PCDH11X: variants seen among roughly 807,000 people sequenced by gnomAD.
The protein encoded by PCDH11X is protocadherin 11 X-linked.
PCDH11X carries 18 observed loss-of-function variants against 53.3 expected under a neutral mutation model. The observed-to-expected ratio is 0.34, with a 90% CI of 0.23 to 0.50. The LOEUF is 0.50. Ranked by LOEUF, PCDH11X falls within the 20% of genes least tolerant of loss-of-function variation. The pLI is 0.98. For synonymous variants in PCDH11X, 279 were observed against 393.3 expected, an observed-to-expected ratio of 0.71 and a Z score of 3.44; for missense variants, 570 against 1,032.4, an observed-to-expected ratio of 0.55 and a Z score of 6.14.
intron 10 of PCDH11X, among the ~76,000 whole-genome samples, chrX:92,564,019 T>C (rs1187836086): frequency 3.6e-5 from 4 of 109,874 alleles, no homozygotes; most frequent in Non-Finnish European, 7.6e-5. Context: ...TACTCCCATC[T>C]ACAATAGCCA....
chrX:92,231,794 C>A (rs2067079273), intron 7 of PCDH11X, among the ~76,000 whole-genome samples: 1 of 111,909 alleles, frequency 8.9e-6, no homozygotes, highest in Admixed American at 9.5e-5. Flanking sequence ...ATTTTAAGTT[C>A]TTATGGACAT....
intron 10 of PCDH11X, among the ~76,000 whole-genome samples, chrX:92,594,050 AG>A (rs914274960): frequency 2.5e-4 from 23 of 90,609 alleles, no homozygotes; most frequent in Admixed American, 1.0e-3. Flanking sequence ...CAGAAATTAG[AG>A]GGGGGAGAGA....
intron 7 of PCDH11X, among the ~76,000 whole-genome samples, chrX:92,223,268 T>C (rs1387652015): frequency 8.9e-6 from 1 of 112,263 alleles, no homozygotes; most frequent in Non-Finnish European, 1.9e-5. Flanking sequence ...ATCAGTGCTG[T>C]TTGCTTATGT....
chrX:92,059,169 A>AT (rs1321412295), intron 6 of PCDH11X, among the ~76,000 whole-genome samples: 1 of 107,545 alleles, frequency 9.3e-6, no homozygotes, highest in Non-Finnish European at 1.9e-5. Flanking sequence ...AAAAGGGCTG[A>AT]TAAAAAGTTC....
chrX:92,278,773 G>C (rs909167365), intron 8 of PCDH11X, among the ~76,000 whole-genome samples: 2 of 108,474 alleles, frequency 1.8e-5, no homozygotes, highest in African/African-American at 6.8e-5. Flanking sequence ...TGATGGCTTG[G>C]CTTGGGCTCA....
At chrX:92,508,796 T>C (rs2074113888) in intron 10 of PCDH11X, among the ~76,000 whole-genome samples, 1 of 109,051 alleles carries the variant, frequency 9.2e-6, no homozygotes, top group South Asian at 4.0e-4. Context: ...AATTTTCTTA[T>C]TTAATATTAA....
At chrX:92,584,376 T>C (rs1401670804) in intron 10 of PCDH11X, among the ~76,000 whole-genome samples, 1 of 111,552 alleles carries the variant, frequency 9.0e-6, no homozygotes, top group Admixed American at 9.5e-5. Context: ...GCTAGACTGA[T>C]CAAAAAATAT....
intron 8 of PCDH11X, among the ~76,000 whole-genome samples, chrX:92,330,349 G>A (rs1400566017): frequency 1.8e-5 from 2 of 110,833 alleles, no homozygotes; most frequent in Admixed American, 9.6e-5. Context: ...ACATTAAAAC[G>A]TGCACATTAC....
At chrX:91,999,008 G>A (rs2525259) in intron 6 of PCDH11X, among the ~76,000 whole-genome samples, 4 of 109,218 alleles carry the variant, frequency 3.7e-5, no homozygotes, top group South Asian at 3.9e-4. Flanking sequence ...CAACCTCCCC[G>A]GCTCAAAGGA....
rs931918008 is a variant in PCDH11X at position 92,620,507 on chromosome X, TATTG to T, written c.*1571_*1574del. ...GGTGGGGGGGGGAGTCAATATCTCC[TATTG>T]ATTAACTTAGACATAGATTTTGTAA... On this transcript the variant is annotated 3_prime_UTR_variant, in exon 11 of 11. Coordinates refer to ENST00000682573, the MANE Select transcript of PCDH11X (RefSeq NM_032968.5). 9.1e-6 allele frequency: 1 copy of T among 109,323 alleles called. No homozygotes were observed. The highest frequency in any genetic ancestry group is 3.3e-5 in the African/African-American group (1 of 30,099). 9.0% of individuals were successfully genotyped at this position (109,323 alleles called of 1,213,427 possible). A position where few individuals can be genotyped will look rare whatever the true frequency, so the allele number is the denominator to read the frequency against.
chrX:91,832,302 A>C (rs1937136091), intron 4 of PCDH11X, among the ~76,000 whole-genome samples: 1 of 110,346 alleles, frequency 9.1e-6, no homozygotes, highest in Non-Finnish European at 1.9e-5. Context: ...ACCATGGAAT[A>C]CTATGCAGCC....
chrX:92,123,620 CTA>C (rs937821842), intron 6 of PCDH11X, among the ~76,000 whole-genome samples: 2 of 103,369 alleles, frequency 1.9e-5, no homozygotes, highest in Non-Finnish European at 3.9e-5. Flanking sequence ...TCACCAGACT[CTA>C]TTTATTCTGC....
chrX:92,452,490 T>C (rs1201786767), intron 9 of PCDH11X, among the ~76,000 whole-genome samples: 1 of 56,403 alleles, frequency 1.8e-5, no homozygotes, highest in East Asian at 3.9e-4. Flanking sequence ...TATATATATA[T>C]ATATATATGT....
At chrX:92,186,333 T>A (rs1210752002) in intron 6 of PCDH11X, among the ~76,000 whole-genome samples, 4 of 110,249 alleles carry the variant, frequency 3.6e-5, no homozygotes, top group Non-Finnish European at 7.6e-5. Context: ...AAGTAGAGAG[T>A]AGAATAGTGG....
Position 92,618,422 on chromosome X carries a change from C to T in PCDH11X, c.3526C>T (p.Pro1176Ser), listed in dbSNP as rs765981641. ...AQASALCHSP[P>S]LSQASTQHHS... is the part of the protein sequence containing the mutation. ...GGCCTCTGCTCTATGCCACAGCCCA[C>T]CACTGTCACAGGCCTCTACTCAGCA... Residue 1176 changes from proline (P) to serine (S), a missense_variant, in exon 11 of 11, where the codon CCA becomes TCA. This residue lies in a region of PCDH11X where 234 missense variants were observed against 296.1 expected (regional missense o/e 0.79). Coordinates refer to ENST00000682573, the MANE Select transcript of PCDH11X (RefSeq NM_032968.5). 2.5e-6 allele frequency: 3 copies of T among 1,211,728 alleles called. No individual in the cohort carries two copies. The highest frequency in any genetic ancestry group is 2.2e-5 in the Admixed American group (1 of 46,045).
At chrX:92,112,995 C>G (rs1469111264) in intron 6 of PCDH11X, among the ~76,000 whole-genome samples, 1 of 109,310 alleles carries the variant, frequency 9.1e-6, no homozygotes, top group Non-Finnish European at 1.9e-5. Flanking sequence ...ATTTGCAGAT[C>G]CAAAATATTT....
At chrX:92,186,001 T>C (rs943691813) in intron 6 of PCDH11X, among the ~76,000 whole-genome samples, 1 of 111,474 alleles carries the variant, frequency 9.0e-6, no homozygotes, top group Admixed American at 9.5e-5. Context: ...GCAATCTTAC[T>C]ACTGGGTATA....
At chrX:92,337,900 G>A (rs1191480372) in intron 8 of PCDH11X, among the ~76,000 whole-genome samples, 2 of 111,435 alleles carry the variant, frequency 1.8e-5, no homozygotes, top group African/African-American at 6.5e-5. Flanking sequence ...TGCAGATAAA[G>A]TCCCACAGCT....
At chrX:91,834,952 T>C (rs1281897446) in intron 4 of PCDH11X, 1 of 764,934 alleles carries the variant, frequency 1.3e-6, no homozygotes, top group East Asian at 1.5e-4. Context: ...ATTCCTTGCC[T>C]CGTTTTATCC....
Sources: gnomAD v4.1 joint callset for allele counts (sites outside exome capture counted in the v4.1 genomes callset) on GRCh38, gnomAD v4.1.1 for gene constraint, gnomAD v4.1.1 regional missense constraint, MANE v1.5 for transcripts, NCBI Gene and HGNC (gene_info 2026-07-23, HGNC 2026-07-21) for gene names.